The following CCNY variants were observed in gnomAD, a reference collection of about 807,000 sequenced individuals.
CCNY encodes the protein cyclin Y, also known as cyclin-Y.
CCNY carries 19 observed loss-of-function variants against 42.8 expected under a neutral mutation model. The observed-to-expected ratio is 0.44, with a 90% CI of 0.31 to 0.65. The LOEUF is 0.65. CCNY is among the 30% of genes least tolerant of loss of function. The probability of loss-of-function intolerance (pLI) is 0.07; values close to 1 mark genes in which losing one functional copy is unlikely to be tolerated. For synonymous variants in CCNY, 165 were observed against 162.7 expected, an observed-to-expected ratio of 1.01 and a Z score of -0.11; for missense variants, 370 against 437.3, an observed-to-expected ratio of 0.85 and a Z score of 1.37.
chr10:35,403,674 G>T lies in CCNY; in HGVS notation c.154+66467G>T, dbSNP rs139943816. Among the ~76,000 whole-genome samples the T allele has an allele frequency of 6.3e-3, 961 of 152,302 alleles. 3 individuals are homozygous for T. The highest frequency in any genetic ancestry group is 0.024 in the Middle Eastern group (7 of 294). On this transcript the variant is annotated intron_variant, in intron 1 of 9. Transcript: ENST00000374704. The stretch of plus-strand genomic sequence containing the variant: ...CCCATATAACAGCATGGTGATGCAG[G>T]ATATGGAAGGCATATTTGGAGTCAA...
chr10:35,375,293 T>G (rs896760785), intron 1 of CCNY, among the ~76,000 whole-genome samples: 1 of 152,208 alleles, frequency 6.6e-6, no homozygotes, highest in Non-Finnish European at 1.5e-5. Flanking sequence ...TCCTTGCTTC[T>G]AGAAGTTGCT....
chr10:35,548,393 G>T (rs1841165178), intron 7 of CCNY, among the ~76,000 whole-genome samples: 2 of 151,092 alleles, frequency 1.3e-5, no homozygotes, highest in Admixed American at 1.3e-4. Context: ...CCGCCTCCCG[G>T]GTTCAAGCAG....
At chr10:35,508,715 T>C (rs1840263117) in intron 3 of CCNY, among the ~76,000 whole-genome samples, 1 of 152,258 alleles carries the variant, frequency 6.6e-6, no homozygotes. Flanking sequence ...TTTGACTTTT[T>C]AATTTCTACT....
At chr10:35,311,832 A>C (rs1388684163) in intron 3 of CCNY, among the ~76,000 whole-genome samples, 1 of 152,082 alleles carries the variant, frequency 6.6e-6, no homozygotes, top group African/African-American at 2.4e-5. Context: ...CAAAAAATTT[A>C]AAAATTAGCC....
At chr10:35,397,092 T>C (rs114226352) in intron 1 of CCNY, among the ~76,000 whole-genome samples, 34 of 152,296 alleles carry the variant, frequency 2.2e-4, no homozygotes, top group African/African-American at 8.2e-4. Flanking sequence ...CTGTTCTTCC[T>C]AGGGCTGGGG....
intron 3 of CCNY, among the ~76,000 whole-genome samples, chr10:35,257,451 T>C (rs1353797966): frequency 6.6e-6 from 1 of 151,998 alleles, no homozygotes; most frequent in Non-Finnish European, 1.5e-5. Context: ...CTCTCCCTCA[T>C]TTTTTATCTG....
In CCNY at chr10:35,296,480, T is replaced by C. The variant is rs540934605; in HGVS notation, c.-9+45854T>C. Among the ~76,000 whole-genome samples, 8 of 151,920 alleles carry C rather than the reference T, an allele frequency of 5.3e-5. No individual in the cohort carries two copies. In the South Asian group the frequency reaches 1.5e-3, roughly 28 times the overall value. On this transcript the variant is annotated intron_variant, in intron 3 of 11. Coordinates refer to the CCNY transcript ENST00000374706. The stretch of plus-strand genomic sequence containing the variant: ...CCTGTAATCCCAGTTACTTGGGAGG[T>C]TGAGACAGGAGAATTGCTTGAATCC...
In CCNY at chr10:35,418,832, G is replaced by A. The variant is rs1199368374; in HGVS notation, c.155-64572G>A. 2.0e-5 allele frequency among the ~76,000 whole-genome samples: 3 copies of A among 151,792 alleles called. No individual in the cohort carries two copies. In the East Asian group the frequency reaches 5.8e-4, roughly 29 times the overall value. On this transcript the variant is annotated intron_variant, in intron 1 of 9. Transcript: ENST00000374704. Reference sequence around the variant, plus strand: ...TCATCTGTAGAATGGGGATATAATAGTAGTTTTTTTTTTTTTAATCTCTCT... The same window carrying A: ...TCATCTGTAGAATGGGGATATAATAATAGTTTTTTTTTTTTTAATCTCTCT...
intron 1 of CCNY, among the ~76,000 whole-genome samples, chr10:35,351,061 C>G (rs1205743333): frequency 6.6e-6 from 1 of 152,210 alleles, no homozygotes; most frequent in African/African-American, 2.4e-5. Flanking sequence ...ATATAGCACA[C>G]AACTTTTATT....
intron 8 of CCNY, among the ~76,000 whole-genome samples, chr10:35,555,259 T>C (rs894556689): frequency 5.3e-5 from 8 of 152,210 alleles, no homozygotes; most frequent in Non-Finnish European, 8.8e-5. Flanking sequence ...GACCATTCAT[T>C]ATACAGTAGT....
intron 7 of CCNY, among the ~76,000 whole-genome samples, chr10:35,531,137 A>G (rs1176958201): frequency 6.6e-6 from 1 of 152,206 alleles, no homozygotes; most frequent in Non-Finnish European, 1.5e-5. Flanking sequence ...CTCACTTGGG[A>G]AATAGATTTA....
At chr10:35,313,403 ATACT>A (rs1199748337) in intron 3 of CCNY, among the ~76,000 whole-genome samples, 3 of 152,188 alleles carry the variant, frequency 2.0e-5, no homozygotes, top group East Asian at 1.9e-4. Flanking sequence ...TTAGCTGGTG[ATACT>A]TACAGATTCC....
intron 2 of CCNY, among the ~76,000 whole-genome samples, chr10:35,489,426 G>A (rs971353427): frequency 5.9e-5 from 9 of 152,052 alleles, no homozygotes; most frequent in South Asian, 2.1e-4. Context: ...TCAGCCTCCC[G>A]AGTAGCTGGG....
intron 1 of CCNY, among the ~76,000 whole-genome samples, chr10:35,415,046 C>A (rs1262333437): frequency 6.6e-6 from 1 of 152,124 alleles, no homozygotes; most frequent in Non-Finnish European, 1.5e-5. Flanking sequence ...TGGAACTTGG[C>A]AAAGCATGAT....
intron 1 of CCNY, among the ~76,000 whole-genome samples, chr10:35,425,181 G>T (rs1212134052): frequency 1.3e-5 from 2 of 152,210 alleles, no homozygotes; most frequent in African/African-American, 4.8e-5. Flanking sequence ...AACAAGACTG[G>T]TTTCAGGCTT....
At chr10:35,501,377 G>T in intron 2 of CCNY, 124 bp from the exon 3 acceptor site, 1 of 751,408 alleles carries the variant, frequency 1.3e-6, no homozygotes. Flanking sequence ...TTTGATAAAT[G>T]AGCAAGTGGG....
intron 1 of CCNY, among the ~76,000 whole-genome samples, chr10:35,421,953 G>A (rs939416238): frequency 3.3e-5 from 5 of 152,162 alleles, no homozygotes; most frequent in African/African-American, 1.2e-4. Context: ...CCATTTTGCA[G>A]AGGGGAAACT....
intron 7 of CCNY, among the ~76,000 whole-genome samples, chr10:35,543,227 A>C (rs1365342452): frequency 1.3e-5 from 2 of 152,202 alleles, no homozygotes; most frequent in African/African-American, 2.4e-5. Context: ...AAAAGGACTC[A>C]CAGGACCCAG....
At chr10:35,498,403 A>G (rs1156886956) in intron 2 of CCNY, among the ~76,000 whole-genome samples, 1 of 152,218 alleles carries the variant, frequency 6.6e-6, no homozygotes, top group Non-Finnish European at 1.5e-5. Flanking sequence ...ATACCAGCCA[A>G]GGGCCAGCCT....
Sources: allele counts gnomAD v4.1 joint callset (sites outside exome capture counted in the v4.1 genomes callset), GRCh38; gene constraint gnomAD v4.1.1; transcripts MANE v1.5; gene names NCBI Gene and HGNC (gene_info 2026-07-23, HGNC 2026-07-21).